Variants in BLTP3B observed in about 807,000 individuals in gnomAD.
BLTP3B encodes bridge-like lipid transfer protein family member 3B, also known as UHRF1 (ICBP90) binding protein 1-like.
chr12:100,074,395 T>C, the BLTP3B span, among the ~76,000 whole-genome samples: 6 of 152,000 alleles, frequency 3.9e-5, no homozygotes, highest in African/African-American at 1.4e-4. Flanking sequence ...GGCCAGGAGC[T>C]CGAGACCAGC....
the BLTP3B span, among the ~76,000 whole-genome samples, chr12:100,077,265 A>T: frequency 2.0e-5 from 3 of 152,230 alleles, no homozygotes; most frequent in African/African-American, 7.2e-5. Context: ...GGTATTCAAT[A>T]CAGTAACATG....
chr12:100,064,188 C>T, the BLTP3B span, among the ~76,000 whole-genome samples: 1 of 152,044 alleles, frequency 6.6e-6, no homozygotes, highest in Non-Finnish European at 1.5e-5. Flanking sequence ...GAAACAAATT[C>T]AGAGCTCGAA....
At chr12:100,092,827 A>G in the BLTP3B span, 2 of 869,270 alleles carry the variant, frequency 2.3e-6, no homozygotes, top group South Asian at 1.1e-4. Context: ...ATTTATGTCT[A>G]TGATGGTAAT....
At chr12:100,071,419 C>T in the BLTP3B span, among the ~76,000 whole-genome samples, 1 of 149,586 alleles carries the variant, frequency 6.7e-6, no homozygotes, top group Non-Finnish European at 1.5e-5. Flanking sequence ...ATTGTTTGGG[C>T]CCGGGAGGCA....
the BLTP3B span, among the ~76,000 whole-genome samples, chr12:100,046,559 T>A: frequency 7.0e-6 from 1 of 142,062 alleles, no homozygotes; most frequent in Non-Finnish European, 1.5e-5. Context: ...GGGAACATCA[T>A]ATACCAGGGC....
the BLTP3B span, among the ~76,000 whole-genome samples, chr12:100,133,134 C>T: frequency 1.3e-5 from 2 of 151,820 alleles, no homozygotes; most frequent in Non-Finnish European, 2.9e-5. Flanking sequence ...CCCAGCTACT[C>T]GGGAGGCTGA....
chr12:100,039,642 T>C, the BLTP3B span: 1 of 1,613,876 alleles, frequency 6.2e-7, no homozygotes, highest in Non-Finnish European at 8.5e-7. Flanking sequence ...GTTAGCTGAC[T>C]GAGAAGGCCA....
the BLTP3B span, among the ~76,000 whole-genome samples, chr12:100,131,479 T>C: frequency 2.0e-5 from 3 of 151,956 alleles, no homozygotes; most frequent in Non-Finnish European, 4.4e-5. Context: ...TATTTTTGGG[T>C]AGAAAAATAG....
chr12:100,120,767 T>C, the BLTP3B span, among the ~76,000 whole-genome samples: 17 of 151,946 alleles, frequency 1.1e-4, no homozygotes, highest in Admixed American at 1.1e-3. Context: ...GACCTTCATA[T>C]GAAAACATAG....
the BLTP3B span, among the ~76,000 whole-genome samples, chr12:100,048,785 T>C: frequency 3.3e-5 from 5 of 149,688 alleles, no homozygotes; most frequent in African/African-American, 1.2e-4. Flanking sequence ...TGTGTGTGTG[T>C]GTGTGTGTGT....
At chr12:100,132,389 T>C in the BLTP3B span, among the ~76,000 whole-genome samples, 1 of 152,296 alleles carries the variant, frequency 6.6e-6, no homozygotes, top group African/African-American at 2.4e-5. Flanking sequence ...GTTTGGGTCA[T>C]GGGGGCAGAT....
At chr12:100,125,388 G>A in the BLTP3B span, among the ~76,000 whole-genome samples, 2 of 149,456 alleles carry the variant, frequency 1.3e-5, no homozygotes, top group African/African-American at 5.0e-5. Context: ...GGTGGCTAAC[G>A]ACTACAATCT....
At chr12:100,090,214 T>C in the BLTP3B span, among the ~76,000 whole-genome samples, 1 of 152,184 alleles carries the variant, frequency 6.6e-6, no homozygotes, top group South Asian at 2.1e-4. Flanking sequence ...GTGCCTCTCC[T>C]AAAAGATGTG....
chr12:100,115,915 G>A, the BLTP3B span, among the ~76,000 whole-genome samples: 14 of 152,106 alleles, frequency 9.2e-5, no homozygotes, highest in Admixed American at 2.0e-4. Context: ...GGTGGCTCAC[G>A]CCTGTAATCC....
the BLTP3B span, chr12:100,059,832 T>A: frequency 8.8e-6 from 14 of 1,594,468 alleles, no homozygotes; most frequent in South Asian, 1.6e-4. Context: ...TCATTACTAC[T>A]ACTTGTTTGT....
At chr12:100,132,028 G>A in the BLTP3B span, among the ~76,000 whole-genome samples, 978 of 152,256 alleles carry the variant, frequency 6.4e-3, 10 homozygotes, top group African/African-American at 0.022. Flanking sequence ...CTGACCTCAG[G>A]TGATCTACCC....
chr12:100,059,547 A>T, the BLTP3B span: 1 of 1,562,178 alleles, frequency 6.4e-7, no homozygotes, highest in Non-Finnish European at 8.6e-7. Context: ...GAAGAGAAGA[A>T]AAATTAATCT....
the BLTP3B span, among the ~76,000 whole-genome samples, chr12:100,054,159 A>T: frequency 6.6e-6 from 1 of 152,178 alleles, no homozygotes; most frequent in African/African-American, 2.4e-5. Flanking sequence ...AACATCCAAC[A>T]TCAGGGAAAT....
chr12:100,080,843 G>A, the BLTP3B span, among the ~76,000 whole-genome samples: 4 of 133,952 alleles, frequency 3.0e-5, no homozygotes, highest in Non-Finnish European at 6.7e-5. Context: ...GATATGGTTT[G>A]GCTGTGTCCC....
Sources: gnomAD v4.1 joint callset for allele counts (sites outside exome capture counted in the v4.1 genomes callset) on GRCh38, gnomAD v4.1.1 for gene constraint, MANE v1.5 for transcripts, NCBI Gene and HGNC (gene_info 2026-07-23, HGNC 2026-07-21) for gene names.